The following TRIM13 variants were observed in gnomAD, a reference collection of about 807,000 sequenced individuals.
TRIM13 encodes the protein tripartite motif containing 13.
TRIM13 carries 15 observed loss-of-function variants against 27.1 expected under a neutral mutation model. The ratio of observed to expected loss-of-function variants is 0.55; its 90% CI spans 0.37 to 0.85. The LOEUF (loss-of-function observed/expected upper bound fraction) is 0.85. Ranked by LOEUF, TRIM13 falls within the 40% of genes least tolerant of loss-of-function variation. TRIM13 has a pLI of 0.00. For synonymous variants in TRIM13, 193 were observed against 171.5 expected, an observed-to-expected ratio of 1.13 and a Z score of -0.98; for missense variants, 402 against 472.2, an observed-to-expected ratio of 0.85 and a Z score of 1.38.
chr13:50,008,806 A>C (rs1451300073), intron 1 of TRIM13, among the ~76,000 whole-genome samples: 2 of 152,064 alleles, frequency 1.3e-5, no homozygotes, highest in East Asian at 3.9e-4. Flanking sequence ...ACTTGAGCCC[A>C]GCAATTTGAG....
At position 50,017,297 on chromosome 13, in the gene TRIM13, T is replaced by C. The variant is rs945362550; in HGVS notation, c.*4133T>C. 6 of 167,066 alleles carry C rather than the reference T, an allele frequency of 3.6e-5. No homozygotes were observed. Among genetic ancestry groups the C allele is most frequent in the Admixed American group, 3.3e-4 (5 of 15,280 alleles). 10.3% of individuals were successfully genotyped at this position (167,066 alleles called of 1,614,324 possible). A position where few individuals can be genotyped will look rare whatever the true frequency, so the allele number is the denominator to read the frequency against. On this transcript the variant is annotated 3_prime_UTR_variant, in exon 2 of 2. Coordinates refer to ENST00000378182, the MANE Select transcript of TRIM13 (RefSeq NM_213590.3). ...AACCTAGAGACAAAACTGTCATTGA[T>C]TTTTAAGAAGAAACACACTAGGTCA...
chr13:50,011,724 T>TAG (rs1378609856), intron 1 of TRIM13, among the ~76,000 whole-genome samples: 1 of 152,198 alleles, frequency 6.6e-6, no homozygotes. Context: ...GCCTTGTGTA[T>TAG]AGGATGCCCT....
chr13:50,011,366 T>C (rs933481630), intron 1 of TRIM13, among the ~76,000 whole-genome samples: 1 of 152,254 alleles, frequency 6.6e-6, no homozygotes. Context: ...TTTAGTTCTC[T>C]ACCTAGAAGA....
intron 1 of TRIM13, among the ~76,000 whole-genome samples, chr13:50,004,399 A>C (rs1439785373): frequency 1.3e-5 from 2 of 152,012 alleles, no homozygotes; most frequent in African/African-American, 4.8e-5. Context: ...GGGGAGGTCA[A>C]AGCTACAGTG....
intron 1 of TRIM13, among the ~76,000 whole-genome samples, chr13:50,000,746 C>T (rs1026976433): frequency 1.1e-4 from 17 of 151,324 alleles, no homozygotes; most frequent in African/African-American, 4.1e-4. Context: ...TCTCTATTTT[C>T]TGAATTTTCT....
At position 50,012,071 on chromosome 13, in the gene TRIM13, A is replaced by C. The variant is rs1362603928; in HGVS notation, c.131A>C (p.Asn44Thr). The change falls in exon 2 of 2, where the codon AAT (asparagine) becomes ACT (threonine). Residue 44 changes from asparagine (N) to threonine (T), a missense_variant. Physicochemically the swap from Asn to Thr is moderately conservative, Grantham distance 65. Around this residue, in one of 2 missense-constraint regions of TRIM13, gnomAD observed 202 missense variants for 277.5 expected, o/e 0.73. Coordinates refer to ENST00000378182, the MANE Select transcript of TRIM13 (RefSeq NM_213590.3). ...LEGILEGSVR[N>T]SLWRPAPFKC... Reference sequence around the variant, plus strand: ...GGTATCTTAGAAGGGAGTGTGCGGAATTCCTTGTGGAGACCAGCTCCATTC... The same window carrying C: ...GGTATCTTAGAAGGGAGTGTGCGGACTTCCTTGTGGAGACCAGCTCCATTC... 6.2e-7 allele frequency: 1 copy of C among 1,614,024 alleles called. No individual in the cohort carries two copies. The highest frequency in any genetic ancestry group is 1.3e-5 in the African/African-American group (1 of 74,918).
rs1312186104 is a variant in TRIM13 at position 50,015,795 on chromosome 13, A to G, written c.*2631A>G. 6.2e-7 allele frequency: 1 copy of G among 1,613,994 alleles called. No homozygotes were observed. Among genetic ancestry groups the G allele is most frequent in the African/African-American group, 1.3e-5 (1 of 74,910 alleles). ...TCTCTAGTTGATCTCTTAAACCCAT[A>G]CCTGCTACAGCCAAGACCTGCTCTT... On this transcript the variant is annotated 3_prime_UTR_variant, in exon 2 of 2. Transcript: ENST00000378182.
rs1876745295 is a variant in TRIM13 at position 50,017,438 on chromosome 13, A to T, written c.*4274A>T. ...AAAACTGGGATGTTCCTGTGTGTAC[A>T]CAGTGCCAAATGGTTTTCCCTTTTT... On this transcript the variant is annotated 3_prime_UTR_variant, in exon 2 of 2. Coordinates refer to ENST00000378182, the MANE Select transcript of TRIM13 (RefSeq NM_213590.3). 6.0e-6 allele frequency: 1 copy of T among 167,132 alleles called. No individual in the cohort carries two copies. The highest frequency in any genetic ancestry group is 2.1e-4 in the South Asian group (1 of 4,838). 10.4% of individuals were successfully genotyped at this position (167,132 alleles called of 1,614,324 possible). A position where few individuals can be genotyped will look rare whatever the true frequency, so the allele number is the denominator to read the frequency against.
intron 1 of TRIM13, among the ~76,000 whole-genome samples, chr13:50,000,565 C>A (rs2066540): frequency 0.18 from 26,622 of 152,076 alleles, 2,652 homozygotes; most frequent in African/African-American, 0.26. Flanking sequence ...TAGAACATAT[C>A]ATGATGGGGG....
chr13:50,015,568 G>A lies in TRIM13; in HGVS notation c.*2404G>A. 1 of 1,614,144 alleles carries A rather than the reference G, an allele frequency of 6.2e-7. No homozygotes were observed. Among genetic ancestry groups the A allele is most frequent in the Non-Finnish European group, 8.5e-7 (1 of 1,179,984 alleles). On this transcript the variant is annotated 3_prime_UTR_variant, in exon 2 of 2. Transcript: ENST00000378182. ...CGACAAGGTTTTCTACGATAAAGCA[G>A]TTTCCTGCTTCTCGTTTGGCACGCA...
At chr13:49,998,038 C>T (rs1873455431) in intron 1 of TRIM13, among the ~76,000 whole-genome samples, 1 of 151,902 alleles carries the variant, frequency 6.6e-6, no homozygotes, top group Non-Finnish European at 1.5e-5. Context: ...TTTTTTTTCC[C>T]TTCTCCTATG....
intron 1 of TRIM13, among the ~76,000 whole-genome samples, chr13:50,005,985 G>A (rs761477455): frequency 1.3e-4 from 19 of 151,872 alleles, no homozygotes; most frequent in Non-Finnish European, 2.4e-4. Context: ...AAAGTGCTGG[G>A]ATTACAGGCG....
In TRIM13 at chr13:50,012,342, C is replaced by T. The variant is rs201423725; in HGVS notation, c.402C>T (p.Ala134=). The T allele has an allele frequency of 7.1e-5, 114 of 1,614,130 alleles. No individual in the cohort carries two copies. The African/African-American group carries it at 1.4e-3, about 20-fold the overall frequency. The change falls in exon 2 of 2, where the codon GCC becomes GCT. Residue 134 remains alanine (A), a synonymous_variant. Coordinates refer to ENST00000378182, the MANE Select transcript of TRIM13 (RefSeq NM_213590.3). ...ATGTCTTCTGTTCTATTGAAGATGC[C>T]TATGCTCAGGAAAGGGATGCCTTTG... ...TKHVFCSIED[A]YAQERDAFES...
In TRIM13 at chr13:50,015,932, C is replaced by T; in HGVS notation, c.*2768C>T. 6.2e-7 allele frequency: 1 copy of T among 1,614,088 alleles called. No individual in the cohort carries two copies. The highest frequency in any genetic ancestry group is 8.5e-7 in the Non-Finnish European group (1 of 1,179,988). The stretch of plus-strand genomic sequence containing the variant: ...GAGGATTACAGTGTTTACAGAACAA[C>T]CTTCAGCGCCGACCTGGAATGGTAA... On this transcript the variant is annotated 3_prime_UTR_variant, in exon 2 of 2. Coordinates refer to ENST00000378182, the MANE Select transcript of TRIM13 (RefSeq NM_213590.3).
Position 50,014,719 on chromosome 13 carries a change from T to C in TRIM13, c.*1555T>C, listed in dbSNP as rs1284057954. The C allele has an allele frequency of 6.0e-6, 1 of 166,866 alleles. No homozygotes were observed. Among genetic ancestry groups the C allele is most frequent in the African/African-American group, 2.4e-5 (1 of 41,416 alleles). The allele number at this position is 166,866 out of a possible 1,614,324, so 10.3% of individuals were successfully genotyped here. On this transcript the variant is annotated 3_prime_UTR_variant, in exon 2 of 2. Transcript: ENST00000378182. The stretch of plus-strand genomic sequence containing the variant: ...GTAACCTTATAACTGCTCTCTAGTC[T>C]GCCTTATTTGTGTCATAGAGTAAGA...
chr13:49,998,089 C>T (rs558043090), intron 1 of TRIM13, among the ~76,000 whole-genome samples: 74 of 152,140 alleles, frequency 4.9e-4, no homozygotes, highest in African/African-American at 1.7e-3. Context: ...TAGAACAGGG[C>T]TTGAGTTTTC....
At chr13:50,010,020 G>A (rs1241727310) in intron 1 of TRIM13, among the ~76,000 whole-genome samples, 1 of 148,748 alleles carries the variant, frequency 6.7e-6, no homozygotes, top group Non-Finnish European at 1.5e-5. Flanking sequence ...TATTTAAATA[G>A]CCTTTTCAGG....
Position 50,015,124 on chromosome 13 carries a change from T to G in TRIM13, c.*1960T>G, listed in dbSNP as rs1469956513. The G allele has an allele frequency of 1.1e-5, 1 of 90,138 alleles. No individual in the cohort carries two copies. Among genetic ancestry groups the G allele is most frequent in the African/African-American group, 4.9e-5 (1 of 20,234 alleles). The allele number at this position is 90,138 out of a possible 1,614,324, so 5.6% of individuals were successfully genotyped here. A position where few individuals can be genotyped will look rare whatever the true frequency, so the allele number is the denominator to read the frequency against. ...ATATATATATATATATATATATATA[T>G]ATATATATATATATATATATATATA... On this transcript the variant is annotated 3_prime_UTR_variant, in exon 2 of 2. Transcript: ENST00000378182.
At position 50,014,252 on chromosome 13, in the gene TRIM13, T is replaced by C. The variant is rs1876028905; in HGVS notation, c.*1088T>C. On this transcript the variant is annotated 3_prime_UTR_variant, in exon 2 of 2. Transcript: ENST00000378182. ...TAGGACAGTGATGTGGGAGGATTAT[T>C]TGAGGCTAGGAGTTCCAGTTCGAAA... The C allele has an allele frequency of 2.0e-5, 3 of 153,236 alleles. No homozygotes were observed. The highest frequency in any genetic ancestry group is 4.5e-5 in the Non-Finnish European group (3 of 66,462). The allele number at this position is 153,236 out of a possible 1,614,324, so 9.5% of individuals were successfully genotyped here. A position where few individuals can be genotyped will look rare whatever the true frequency, so the allele number is the denominator to read the frequency against.
Sources: gnomAD v4.1 joint callset for allele counts (sites outside exome capture counted in the v4.1 genomes callset) on GRCh38, gnomAD v4.1.1 for gene constraint, gnomAD v4.1.1 regional missense constraint, MANE v1.5 for transcripts, NCBI Gene and HGNC (gene_info 2026-07-23, HGNC 2026-07-21) for gene names.